Variants in RPS6KC1 observed in about 807,000 individuals in gnomAD.
RPS6KC1 encodes inactive ribosomal protein S6 kinase delta-1.
In RPS6KC1, 54 loss-of-function variants were observed where a neutral mutation model predicts 103.8. The ratio of observed to expected loss-of-function variants is 0.52; its 90% CI spans 0.42 to 0.65. The LOEUF (loss-of-function observed/expected upper bound fraction) is 0.65. Ranked by LOEUF, RPS6KC1 falls within the 30% of genes least tolerant of loss-of-function variation. The pLI, the probability that RPS6KC1 is intolerant of heterozygous loss-of-function variation, is 0.00. For synonymous variants in RPS6KC1, 439 were observed against 438.7 expected (o/e 1.00, Z -0.01); for missense variants, 1,151 against 1,253.8 (o/e 0.92, Z 1.24).
intron 1 of RPS6KC1, among the ~76,000 whole-genome samples, chr1:213,070,421 T>A (rs2078762861): frequency 6.6e-6 from 1 of 152,222 alleles, no homozygotes; most frequent in African/African-American, 2.4e-5. Context: ...TTTTGCTTAA[T>A]TTTTAGTATT....
chr1:213,151,302 G>C (rs1572859473), intron 6 of RPS6KC1, among the ~76,000 whole-genome samples: 5 of 119,078 alleles, frequency 4.2e-5, no homozygotes, highest in Non-Finnish European at 7.1e-5. Flanking sequence ...GCCGGGCAGA[G>C]GCGCCCCTCA....
the RPS6KC1 span, among the ~76,000 whole-genome samples, chr1:213,638,582 CTAAT>C: frequency 6.6e-6 from 1 of 151,896 alleles, no homozygotes; most frequent in African/African-American, 2.4e-5. Context: ...ATATAAGTGA[CTAAT>C]TGGTTTAAAA....
At chr1:213,634,795 TA>T in the RPS6KC1 span, among the ~76,000 whole-genome samples, 13,467 of 141,354 alleles carry the variant, frequency 0.095, 753 homozygotes, top group African/African-American at 0.17. Flanking sequence ...TCCATAAAGT[TA>T]AAAAAAAAAA....
chr1:213,343,434 TATATATAC>T, the RPS6KC1 span, among the ~76,000 whole-genome samples: 52 of 71,012 alleles, frequency 7.3e-4, 1 homozygote, highest in African/African-American at 2.2e-3. Context: ...TATATATATA[TATATATAC>T]ATACCATGGA....
chr1:213,601,279 TA>T, the RPS6KC1 span, among the ~76,000 whole-genome samples: 23 of 149,392 alleles, frequency 1.5e-4, 1 homozygote, highest in South Asian at 4.2e-3. Flanking sequence ...TAAATATATA[TA>T]TATTTCTTAT....
intron 12 of RPS6KC1, among the ~76,000 whole-genome samples, chr1:213,258,681 G>A (rs917962962): frequency 6.6e-6 from 1 of 152,150 alleles, no homozygotes; most frequent in Non-Finnish European, 1.5e-5. Context: ...TTTTGAGCAG[G>A]GAAATGATGT....
the RPS6KC1 span, among the ~76,000 whole-genome samples, chr1:213,768,599 G>A: frequency 2.6e-5 from 4 of 152,264 alleles, no homozygotes; most frequent in East Asian, 3.9e-4. Flanking sequence ...TGGTGATTAC[G>A]GTTTGGCTAA....
At chr1:213,168,760 C>G (rs1273554064) in intron 7 of RPS6KC1, among the ~76,000 whole-genome samples, 2 of 151,972 alleles carry the variant, frequency 1.3e-5, no homozygotes. Context: ...GTAGCTGGGA[C>G]TACAGGCACC....
At chr1:213,439,546 A>T in the RPS6KC1 span, among the ~76,000 whole-genome samples, 9 of 152,266 alleles carry the variant, frequency 5.9e-5, no homozygotes, top group African/African-American at 1.9e-4. Flanking sequence ...GAGAGGTTGA[A>T]GTGCCAGATG....
At chr1:213,759,415 C>A in the RPS6KC1 span, among the ~76,000 whole-genome samples, 21 of 152,294 alleles carry the variant, frequency 1.4e-4, no homozygotes, top group African/African-American at 5.1e-4. Flanking sequence ...ACTGAACCTG[C>A]AATTTCTTCA....
At chr1:213,403,378 ACT>A in the RPS6KC1 span, among the ~76,000 whole-genome samples, 2 of 150,748 alleles carry the variant, frequency 1.3e-5, no homozygotes, top group Non-Finnish European at 3.0e-5. Context: ...TGTGTCGAGG[ACT>A]CTCTTTTTTT....
the RPS6KC1 span, among the ~76,000 whole-genome samples, chr1:213,777,798 A>G: frequency 6.6e-6 from 1 of 152,232 alleles, no homozygotes; most frequent in Non-Finnish European, 1.5e-5. Context: ...TCATCTATTC[A>G]GAATTGAGTA....
At chr1:213,327,055 T>TA in the RPS6KC1 span, among the ~76,000 whole-genome samples, 1 of 150,676 alleles carries the variant, frequency 6.6e-6, no homozygotes, top group Non-Finnish European at 1.5e-5. Flanking sequence ...TTTTTTTTTT[T>TA]AATTTTCTTT....
chr1:213,538,528 A>G, the RPS6KC1 span, among the ~76,000 whole-genome samples: 1 of 152,180 alleles, frequency 6.6e-6, no homozygotes, highest in Non-Finnish European at 1.5e-5. Flanking sequence ...AGGTAGAACG[A>G]GAAAATAATT....
the RPS6KC1 span, among the ~76,000 whole-genome samples, chr1:213,671,348 A>G: frequency 2.0e-5 from 3 of 148,876 alleles, no homozygotes; most frequent in African/African-American, 7.4e-5. Flanking sequence ...AGAGAGCAGA[A>G]TGGTGTTTAC....
intron 7 of RPS6KC1, among the ~76,000 whole-genome samples, chr1:213,173,957 A>G (rs2091671413): frequency 6.6e-6 from 1 of 152,234 alleles, no homozygotes; most frequent in Non-Finnish European, 1.5e-5. Flanking sequence ...ATCTGTGAAT[A>G]AGGAGGTATA....
chr1:213,167,779 G>A (rs78772049), intron 6 of RPS6KC1, 79 bp from the exon 7 acceptor site: 9,963 of 729,556 alleles, frequency 0.014, 109 homozygotes, highest in Non-Finnish European at 0.017. Context: ...AACAAGCAGT[G>A]TATTGGGTAG....
At chr1:213,184,281 A>G (rs572907983) in intron 8 of RPS6KC1, among the ~76,000 whole-genome samples, 18 of 152,102 alleles carry the variant, frequency 1.2e-4, no homozygotes, top group Non-Finnish European at 2.4e-4. Context: ...AAGACATTAG[A>G]AGAAAGAAAA....
At chr1:213,698,793 G>A in the RPS6KC1 span, among the ~76,000 whole-genome samples, 3 of 152,052 alleles carry the variant, frequency 2.0e-5, no homozygotes, top group Non-Finnish European at 4.4e-5. Context: ...TATTTCTTAT[G>A]TATGTACCCT....
Sources: gnomAD v4.1 joint callset for allele counts (sites outside exome capture counted in the v4.1 genomes callset) on GRCh38, gnomAD v4.1.1 for gene constraint, MANE v1.5 for transcripts, NCBI Gene and HGNC (gene_info 2026-07-23, HGNC 2026-07-21) for gene names.